The following SPECC1L variants were observed in gnomAD, a reference collection of about 807,000 sequenced individuals.
SPECC1L encodes the protein cytospin-A.
In SPECC1L, 40 loss-of-function variants were observed where a neutral mutation model predicts 116.8. That is an observed-to-expected ratio of 0.34 (90% confidence interval 0.27 to 0.45). The LOEUF is 0.45. Among genes scored for constraint, SPECC1L ranks in the 20% least tolerant of loss-of-function variants. SPECC1L has a pLI of 1.00. For synonymous variants in SPECC1L, 504 were observed against 500.6 expected (o/e 1.01, Z -0.09); for missense variants, 1,110 against 1,373.6 (o/e 0.81, Z 3.03).
At chr22:24,328,972 G>C (rs1299811946) in intron 7 of SPECC1L, 53 bp downstream of exon 7, 3 of 1,325,214 alleles carry the variant, frequency 2.3e-6, no homozygotes, top group Non-Finnish European at 3.3e-6. Flanking sequence ...TCTGAAATCT[G>C]AGGTGTAGTC....
At chr22:24,292,110 A>G (rs527439410) in intron 2 of SPECC1L, among the ~76,000 whole-genome samples, 1 of 152,238 alleles carries the variant, frequency 6.6e-6, no homozygotes, top group East Asian at 1.9e-4. Flanking sequence ...TTCCCGTCCC[A>G]CCCTGTGCCA....
rs1252075261 is a variant in SPECC1L at position 24,313,421 on chromosome 22, G to C, written c.262G>C (p.Ala88Pro). 1 of 1,614,110 alleles carries C rather than the reference G, an allele frequency of 6.2e-7. No homozygotes were observed. The highest frequency in any genetic ancestry group is 2.2e-5 in the East Asian group (1 of 44,886). The stretch of plus-strand genomic sequence containing the variant: ...CCCATCTGCAGCACCTTCAGCATCT[G>C]CCCCTGCCATGACCACCGTGGAGAA... Reference protein sequence around the residue: ...TCPSAAPSASAPAMTTVENKS... With the variant: ...TCPSAAPSASPPAMTTVENKS... The change falls in exon 4 of 17, where the codon GCC becomes CCC. Residue 88 changes from alanine (A) to proline (P), a missense_variant. By Grantham distance (27) the Ala-to-Pro change is conservative. Coordinates refer to ENST00000314328, the MANE Select transcript of SPECC1L (RefSeq NM_015330.6).
At chr22:24,390,834 C>CT (rs1449075208) in intron 14 of SPECC1L, among the ~76,000 whole-genome samples, 3 of 102,358 alleles carry the variant, frequency 2.9e-5, no homozygotes, top group Non-Finnish European at 5.8e-5. Flanking sequence ...TCTCAGGGCT[C>CT]TTCTTGGGCC....
At chr22:24,362,188 C>T (rs185923253) in intron 11 of SPECC1L, among the ~76,000 whole-genome samples, 18 of 152,244 alleles carry the variant, frequency 1.2e-4, no homozygotes, top group Admixed American at 6.5e-5. Flanking sequence ...GGGCTGTAGC[C>T]CTAGGTAAGA....
At chr22:24,303,222 T>G (rs1201628051) in intron 3 of SPECC1L, among the ~76,000 whole-genome samples, 1 of 152,218 alleles carries the variant, frequency 6.6e-6, no homozygotes, top group African/African-American at 2.4e-5. Flanking sequence ...CTTCCTTATA[T>G]GTGTAGAAAG....
chr22:24,398,250 G>A (rs890217667), intron 14 of SPECC1L, among the ~76,000 whole-genome samples: 1 of 152,216 alleles, frequency 6.6e-6, no homozygotes, highest in African/African-American at 2.4e-5. Flanking sequence ...GAAGAGGACA[G>A]GATGTGTTGA....
intron 11 of SPECC1L, among the ~76,000 whole-genome samples, chr22:24,355,380 C>G (rs1407695085): frequency 6.6e-6 from 1 of 150,828 alleles, no homozygotes; most frequent in African/African-American, 2.4e-5. Context: ...CTGGATAGAA[C>G]TAGGGAAATT....
intron 14 of SPECC1L, among the ~76,000 whole-genome samples, chr22:24,410,480 T>C (rs996111616): frequency 6.6e-6 from 1 of 152,218 alleles, no homozygotes; most frequent in Admixed American, 6.5e-5. Flanking sequence ...GGCTACAGCC[T>C]GCAGGGCTGA....
chr22:24,366,454 A>G (rs1031932980), intron 13 of SPECC1L, among the ~76,000 whole-genome samples: 5 of 152,098 alleles, frequency 3.3e-5, no homozygotes, highest in Non-Finnish European at 7.4e-5. Flanking sequence ...CGGCCTCCCA[A>G]AGTGCTGGGA....
chr22:24,369,531 T>C (rs533790650), intron 14 of SPECC1L, among the ~76,000 whole-genome samples: 2 of 152,032 alleles, frequency 1.3e-5, no homozygotes, highest in Non-Finnish European at 2.9e-5. Context: ...ACCCTGTCTC[T>C]ACAAAAATAA....
intron 14 of SPECC1L, among the ~76,000 whole-genome samples, chr22:24,394,690 C>T (rs544093115): frequency 4.1e-4 from 62 of 152,322 alleles, no homozygotes; most frequent in African/African-American, 1.4e-3. Flanking sequence ...ATATCCTTGC[C>T]AAGACCATGT....
chr22:24,367,896 T>C (rs2041802386), intron 13 of SPECC1L, among the ~76,000 whole-genome samples: 2 of 152,064 alleles, frequency 1.3e-5, no homozygotes, highest in African/African-American at 2.4e-5. Flanking sequence ...CACTGAAAAA[T>C]AGGCCAGTCT....
chr22:24,392,970 T>C (rs926026443), intron 14 of SPECC1L, among the ~76,000 whole-genome samples: 1 of 152,160 alleles, frequency 6.6e-6, no homozygotes, highest in African/African-American at 2.4e-5. Context: ...TTCCTCAAAA[T>C]GTGGTGGCCA....
chr22:24,317,545 C>T (rs1225373036), intron 4 of SPECC1L, among the ~76,000 whole-genome samples: 4 of 136,388 alleles, frequency 2.9e-5, no homozygotes, highest in African/African-American at 7.9e-5. Flanking sequence ...TCCTCACTTC[C>T]CAGTAGGGGC....
intron 9 of SPECC1L, among the ~76,000 whole-genome samples, chr22:24,336,525 C>G (rs1029719384): frequency 2.0e-5 from 3 of 152,018 alleles, no homozygotes; most frequent in African/African-American, 4.8e-5. Flanking sequence ...GCTATCACCA[C>G]ACCTGTTAAT....
intron 10 of SPECC1L, among the ~76,000 whole-genome samples, chr22:24,344,320 A>G (rs899667404): frequency 3.3e-5 from 5 of 150,974 alleles, no homozygotes; most frequent in African/African-American, 1.2e-4. Flanking sequence ...TTACCTCAAC[A>G]CAATAAAAGA....
chr22:24,323,816 T>A (rs2067227386), intron 5 of SPECC1L, among the ~76,000 whole-genome samples: 2 of 152,224 alleles, frequency 1.3e-5, no homozygotes, highest in African/African-American at 4.8e-5. Context: ...AAAAACACTA[T>A]TTGAGAATTG....
intron 2 of SPECC1L, among the ~76,000 whole-genome samples, chr22:24,281,077 T>G (rs1001227693): frequency 1.2e-4 from 18 of 152,288 alleles, no homozygotes; most frequent in African/African-American, 4.3e-4. Flanking sequence ...GGAGTTAGAC[T>G]TAAGGTAGTA....
At chr22:24,339,069 C>CT (rs2047215868) in intron 10 of SPECC1L, among the ~76,000 whole-genome samples, 1 of 152,200 alleles carries the variant, frequency 6.6e-6, no homozygotes, top group African/African-American at 2.4e-5. Flanking sequence ...CTAGGCAATT[C>CT]TTTGCTGGCT....
Sources: gnomAD v4.1 joint callset for allele counts (sites outside exome capture counted in the v4.1 genomes callset) on GRCh38, gnomAD v4.1.1 for gene constraint, MANE v1.5 for transcripts, NCBI Gene and HGNC (gene_info 2026-07-23, HGNC 2026-07-21) for gene names.